The following ITSN1 variants were observed in gnomAD, a reference collection of about 807,000 sequenced individuals.
ITSN1 encodes the protein intersectin-1.
Under a neutral mutation model 239.8 loss-of-function variants are expected in ITSN1, and 58 were observed. That is an observed-to-expected ratio of 0.24 (90% confidence interval 0.20 to 0.30). The LOEUF (loss-of-function observed/expected upper bound fraction) is 0.30, where lower values mean the gene tolerates loss of function less well. Ranked by LOEUF, ITSN1 falls within the 10% of genes least tolerant of loss-of-function variation. ITSN1 has a pLI of 1.00. For missense variants in ITSN1, 1,558 were observed against 2,103.3 expected, an observed-to-expected ratio of 0.74 and a Z score of 5.07; for synonymous variants, 780 against 770.8, an observed-to-expected ratio of 1.01 and a Z score of -0.20.
rs1182811689 is a variant in ITSN1, at chr21:33,782,104, G to A, written c.1795G>A (p.Glu599Lys). 6.2e-7 allele frequency: 1 copy of A among 1,613,634 alleles called. No individual in the cohort carries two copies. Among genetic ancestry groups the A allele is most frequent in the African/African-American group, 1.3e-5 (1 of 74,890 alleles). The change falls in exon 16 of 40, where the codon GAG becomes AAG. Residue 599 changes from glutamate to lysine, a missense_variant. Coordinates refer to ENST00000381318, the MANE Select transcript of ITSN1 (RefSeq NM_003024.3). ...GAAAGAAACTAGATCAAAACTACAG[G>A]AGATTGATATTTTCAATAATCAGCT... is the stretch of plus-strand genomic sequence containing the variant. ...VEKETRSKLQEIDIFNNQLKE... is the reference protein window; with the variant it reads ...VEKETRSKLQKIDIFNNQLKE...
At chr21:33,878,028 G>GTGTGTC (rs1984279556) in intron 34 of ITSN1, among the ~76,000 whole-genome samples, 1 of 151,148 alleles carries the variant, frequency 6.6e-6, no homozygotes, top group South Asian at 2.1e-4. Context: ...GTGTGTGTGT[G>GTGTGTC]TGTGTGTGTG....
At chr21:33,716,544 C>T (rs2065153023) in intron 1 of ITSN1, 1 of 152,114 alleles carries the variant, frequency 6.6e-6, no homozygotes, top group South Asian at 2.1e-4. Context: ...TTGGAGGTGT[C>T]CCAATGAAAA....
At chr21:33,777,572 A>G (rs911756208) in intron 14 of ITSN1, among the ~76,000 whole-genome samples, 4 of 152,100 alleles carry the variant, frequency 2.6e-5, no homozygotes, top group Non-Finnish European at 5.9e-5. Context: ...TATGGCATAA[A>G]TCTCTATTTT....
At chr21:33,661,787 C>G (rs2089577778) in intron 1 of ITSN1, among the ~76,000 whole-genome samples, 1 of 152,118 alleles carries the variant, frequency 6.6e-6, no homozygotes, top group African/African-American at 2.4e-5. Context: ...TTTCCCCTTT[C>G]ATTTGGCTCT....
At chr21:33,854,659 C>T (rs778484075) in intron 29 of ITSN1, among the ~76,000 whole-genome samples, 13 of 152,226 alleles carry the variant, frequency 8.5e-5, no homozygotes, top group Non-Finnish European at 1.8e-4. Context: ...GGCCTGCCTC[C>T]TTCCTGAGAG....
chr21:33,750,008 T>G (rs1601999292), intron 5 of ITSN1, 135 bp from the exon 6 acceptor site: 1 of 815,378 alleles, frequency 1.2e-6, no homozygotes, highest in Non-Finnish European at 2.0e-6. Context: ...TTAAAATGAT[T>G]AACTTGAAGC....
intron 5 of ITSN1, among the ~76,000 whole-genome samples, chr21:33,740,403 G>A (rs2066772213): frequency 6.6e-6 from 1 of 152,182 alleles, no homozygotes; most frequent in African/African-American, 2.4e-5. Flanking sequence ...AACTGAGGCT[G>A]ACAAAAGTGA....
At position 33,848,853 on chromosome 21, in the gene ITSN1, C is replaced by T. The variant is rs186969694; in HGVS notation, c.3662-7883C>T. On this transcript the variant is annotated intron_variant, in intron 29 of 39. Transcript: ENST00000381318. ...TCACCGCTGCCTGCCCCCTCACCACCGATATTAGCCTGCTGAAGTCCAACT... is the reference window on the plus strand; with the variant it reads ...TCACCGCTGCCTGCCCCCTCACCACTGATATTAGCCTGCTGAAGTCCAACT... Among the ~76,000 whole-genome samples the T allele has an allele frequency of 3.2e-3, 486 of 152,348 alleles. 2 individuals are homozygous for T. Among genetic ancestry groups the T allele is most frequent in the Non-Finnish European group, 5.2e-3 (352 of 68,030 alleles).
At chr21:33,726,641 C>T (rs1349952633) in intron 4 of ITSN1, among the ~76,000 whole-genome samples, 1 of 151,848 alleles carries the variant, frequency 6.6e-6, no homozygotes, top group Non-Finnish European at 1.5e-5. Flanking sequence ...CCCACCTCAG[C>T]CTCCTGAGTA....
Position 33,721,209 on chromosome 21 carries a change from G to A in ITSN1, c.60G>A (p.Glu20=), listed in dbSNP as rs1173869973. 1.2e-6 allele frequency: 2 copies of A among 1,613,506 alleles called. No homozygotes were observed. The highest frequency in any genetic ancestry group is 1.7e-5 in the Admixed American group (1 of 60,022). ...GSLDIWAITV[E]ERAKHDQQFH... is the part of the protein sequence containing the mutation. ...TGGATATCTGGGCCATAACTGTAGA[G>A]GAAAGAGCGAAGCATGATCAGCAGT... Residue 20 remains glutamate (E), a synonymous_variant, in exon 3 of 40, where the codon GAG becomes GAA. Coordinates refer to ENST00000381318, the MANE Select transcript of ITSN1 (RefSeq NM_003024.3).
intron 29 of ITSN1, among the ~76,000 whole-genome samples, chr21:33,846,097 C>G (rs11088261): frequency 3.2e-4 from 48 of 152,226 alleles, no homozygotes; most frequent in Admixed American, 1.3e-3. Context: ...CAGGGACTTC[C>G]TTCATCATCT....
intron 1 of ITSN1, among the ~76,000 whole-genome samples, chr21:33,684,178 T>TA (rs1278924483): frequency 6.6e-6 from 1 of 152,232 alleles, no homozygotes; most frequent in African/African-American, 2.4e-5. Context: ...GTAATAACCT[T>TA]GTTTCCATGT....
intron 8 of ITSN1, among the ~76,000 whole-genome samples, chr21:33,758,716 A>T (rs1176055954): frequency 6.6e-6 from 1 of 152,192 alleles, no homozygotes; most frequent in African/African-American, 2.4e-5. Context: ...CTAAAGTCTT[A>T]GTCATTGTTT....
At chr21:33,721,329 ACT>A in intron 3 of ITSN1, 59 bp downstream of exon 3, 6 of 1,104,546 alleles carry the variant, frequency 5.4e-6, no homozygotes, top group Non-Finnish European at 8.3e-6. Context: ...GTCTGTGGAA[ACT>A]CTATCATGCA....
chr21:33,750,238 T>C lies in ITSN1; in HGVS notation c.442T>C (p.Ser148Pro). ...TGTTGGAATGTCTCCAACCCTAGTA[T>C]CTTCTGTTCCCACAGCAGCTGTGCC... Reference protein sequence around the residue: ...PVVGMSPTLVSSVPTAAVPPL... With the variant: ...PVVGMSPTLVPSVPTAAVPPL... The change falls in exon 6 of 40, where the codon TCT becomes CCT. Residue 148 changes from serine to proline, a missense_variant. Physicochemically the swap from Ser to Pro is moderately conservative, Grantham distance 74 (BLOSUM62 -1). Around this residue, in one of 2 missense-constraint regions of ITSN1, gnomAD observed 982 missense variants for 1,209.9 expected, o/e 0.81. Coordinates refer to ENST00000381318, the MANE Select transcript of ITSN1 (RefSeq NM_003024.3). 1 of 1,614,130 alleles carries C rather than the reference T, an allele frequency of 6.2e-7. No individual in the cohort carries two copies.
intron 11 of ITSN1, among the ~76,000 whole-genome samples, chr21:33,768,370 C>G (rs2068871003): frequency 6.6e-6 from 1 of 152,134 alleles, no homozygotes; most frequent in Non-Finnish European, 1.5e-5. Flanking sequence ...CAACCTCCGC[C>G]TCCCAGGTTC....
chr21:33,750,266 C>T lies in ITSN1; in HGVS notation c.470C>T (p.Pro157Leu). Residue 157 changes from proline (P) to leucine (L), a missense_variant, in exon 6 of 40, where the codon CCC (proline) becomes CTC (leucine). Pro to Leu is a moderately conservative substitution (Grantham distance 98). Around this residue, in one of 2 missense-constraint regions of ITSN1, gnomAD observed 982 missense variants for 1,209.9 expected, o/e 0.81. Transcript: ENST00000381318. ...TCTGTTCCCACAGCAGCTGTGCCCC[C>T]CCTGGCTAACGGGGCTCCCCCTGTT... ...VSSVPTAAVP[P>L]LANGAPPVIQ... 4 of 1,614,072 alleles carry T rather than the reference C, an allele frequency of 2.5e-6. No homozygotes were observed. The highest frequency in any genetic ancestry group is 3.4e-6 in the Non-Finnish European group (4 of 1,180,030).
Position 33,882,539 on chromosome 21 carries a change from C to T in ITSN1, c.4554+84C>T. On this transcript the variant is annotated intron_variant, in intron 35 of 39. Coordinates refer to ENST00000381318, the MANE Select transcript of ITSN1 (RefSeq NM_003024.3). This position sits in a 1 kb window ranked among gnomAD's most constrained non-coding sequence, Gnocchi z 4.5. ...TTCCAAAAAGGAGGTAGAGTTTTAG[C>T]AGGGTCAGGGGCTGTGGCATGCAGG... The T allele has an allele frequency of 3.4e-6, 4 of 1,172,590 alleles. No individual in the cohort carries two copies. Among genetic ancestry groups the T allele is most frequent in the Non-Finnish European group, 3.7e-6 (3 of 815,490 alleles). 72.6% of individuals were successfully genotyped at this position (1,172,590 alleles called of 1,614,324 possible).
intron 1 of ITSN1, among the ~76,000 whole-genome samples, chr21:33,700,990 T>TGTGTGTGTGTGTGTGTGTG (rs1375498602): frequency 6.7e-6 from 1 of 149,354 alleles, no homozygotes; most frequent in African/African-American, 2.5e-5. Flanking sequence ...TGTGTGTGTG[T>TGTGTGTGTGTGTGTGTGTG]TTTCTTATAG....
Sources: allele counts gnomAD v4.1 joint callset (sites outside exome capture counted in the v4.1 genomes callset), GRCh38; gene constraint gnomAD v4.1.1; regional missense constraint gnomAD v4.1.1; non-coding constraint Gnocchi (gnomAD v3.1); transcripts MANE v1.5; gene names NCBI Gene and HGNC (gene_info 2026-07-23, HGNC 2026-07-21).